ECHDC3: variants seen among roughly 807,000 people sequenced by gnomAD.
The protein encoded by ECHDC3 is enoyl-CoA hydratase domain containing 3.
In ECHDC3, 20 loss-of-function variants were observed where a neutral mutation model predicts 17.9. The ratio of observed to expected loss-of-function variants is 1.12; its 90% CI spans 0.79 to 1.63. ECHDC3 has a LOEUF of 1.63. Among genes scored for constraint, ECHDC3 ranks in the 40% most tolerant of loss-of-function variants. ECHDC3 has a pLI of 0.00. For missense variants in ECHDC3, 407 were observed against 357.7 expected (o/e 1.14, Z -1.11); for synonymous variants, 177 against 149.7 (o/e 1.18, Z -1.33).
At chr10:11,759,906 G>A (rs528609902) in intron 4 of ECHDC3, among the ~76,000 whole-genome samples, 1 of 152,330 alleles carries the variant, frequency 6.6e-6, no homozygotes, top group East Asian at 1.9e-4. Flanking sequence ...TGCAGGAGGT[G>A]CTCATTTTTG....
Position 11,763,683 on chromosome 10 carries a change from A to C in ECHDC3, c.*139A>C. 3 of 1,427,150 alleles carry C rather than the reference A, an allele frequency of 2.1e-6. No homozygotes were observed. Among genetic ancestry groups the C allele is most frequent in the Non-Finnish European group, 2.7e-6 (3 of 1,094,814 alleles). 88.4% of individuals were successfully genotyped at this position (1,427,150 alleles called of 1,614,324 possible). ...ATATTGGTGTCATAGCATTTGGCCT[A>C]CATTAAAAGCCACAATTTCATGGGG... is the stretch of plus-strand genomic sequence containing the variant. On this transcript the variant is annotated 3_prime_UTR_variant, in exon 5 of 5. Transcript: ENST00000379215. The surrounding 1 kb of genome is among the most constrained non-coding windows in gnomAD (Gnocchi z 4.9).
chr10:11,743,735 G>GGAGCACAGGCCAGAGCA (rs1832722188), intron 1 of ECHDC3, among the ~76,000 whole-genome samples: 2 of 152,234 alleles, frequency 1.3e-5, no homozygotes, highest in African/African-American at 4.8e-5. Context: ...ATCAACTACA[G>GGAGCACAGGCCAGAGCA]GAGCACAGGC....
chr10:11,746,430 C>T (rs997863247), intron 1 of ECHDC3, among the ~76,000 whole-genome samples: 1 of 150,738 alleles, frequency 6.6e-6, no homozygotes, highest in African/African-American at 2.5e-5. Context: ...TGACTATAGT[C>T]AATAATAATT....
At chr10:11,748,723 C>T (rs7903929) in intron 2 of ECHDC3, among the ~76,000 whole-genome samples, 141,797 of 152,068 alleles carry the variant, frequency 0.93, 66,941 homozygotes, top group East Asian at 1. Flanking sequence ...CCATCTCTAC[C>T]AAAAATACAA....
intron 1 of ECHDC3, among the ~76,000 whole-genome samples, chr10:11,743,064 G>A (rs979271991): frequency 6.6e-6 from 1 of 152,240 alleles, no homozygotes; most frequent in Non-Finnish European, 1.5e-5. Context: ...GGGCTTGGTC[G>A]AGCTGCTCCT....
intron 4 of ECHDC3, among the ~76,000 whole-genome samples, chr10:11,756,986 C>T (rs994419828): frequency 3.3e-5 from 5 of 152,228 alleles, no homozygotes; most frequent in Non-Finnish European, 7.3e-5. Context: ...CCGTCCCCCT[C>T]GGCCTCCCAA....
rs570322827 is a variant in ECHDC3 at position 11,747,296 on chromosome 10, C to T, written c.171-53C>T. ...AAATTAGACAGGAATCGCAGGGGTCCTCACTTGTTTTGACTGGTGTGTGAC... is the reference window on the plus strand; with the variant it reads ...AAATTAGACAGGAATCGCAGGGGTCTTCACTTGTTTTGACTGGTGTGTGAC... On this transcript the variant is annotated intron_variant, in intron 1 of 4. Transcript: ENST00000379215. 29 of 1,598,486 alleles carry T rather than the reference C, an allele frequency of 1.8e-5. No homozygotes were observed. The South Asian group carries it at 2.6e-4, about 14-fold the overall frequency.
intron 3 of ECHDC3, among the ~76,000 whole-genome samples, chr10:11,753,023 A>G (rs10159633): frequency 0.93 from 142,124 of 152,290 alleles, 67,167 homozygotes; most frequent in Non-Finnish European, 1. Context: ...CATCTTTGGC[A>G]TAGAGCTTTT....
Position 11,751,362 on chromosome 10 carries a change from G to T in ECHDC3, c.390+1770G>T, listed in dbSNP as rs535161632. On this transcript the variant is annotated intron_variant, in intron 3 of 4. Transcript: ENST00000379215. ...GAAAAAGACTCAGTGCATAAACAGG[G>T]CCTACCCCAAAGTAGTAAAATAGGA... Among the ~76,000 whole-genome samples, 50 of 152,286 alleles carry T rather than the reference G, an allele frequency of 3.3e-4. 1 individual carries two copies. In the South Asian group the frequency reaches 5.8e-3, roughly 18 times the overall value.
intron 3 of ECHDC3, among the ~76,000 whole-genome samples, chr10:11,752,881 T>C (rs1832841984): frequency 6.6e-6 from 1 of 152,196 alleles, no homozygotes; most frequent in Non-Finnish European, 1.5e-5. Flanking sequence ...CTGGTGTTTC[T>C]CTTGGAAATT....
chr10:11,749,870 A>G (rs1189614746), intron 3 of ECHDC3, among the ~76,000 whole-genome samples: 1 of 129,274 alleles, frequency 7.7e-6, no homozygotes, highest in Non-Finnish European at 1.5e-5. Context: ...ATCTTGGCTC[A>G]CTGCAACCTC....
At chr10:11,748,993 G>A (rs1418901403) in intron 2 of ECHDC3, among the ~76,000 whole-genome samples, 1 of 152,184 alleles carries the variant, frequency 6.6e-6, no homozygotes, top group African/African-American at 2.4e-5. Flanking sequence ...CACATCTTAT[G>A]ATCCCTCATC....
chr10:11,746,217 A>T (rs1319731432), intron 1 of ECHDC3, among the ~76,000 whole-genome samples: 1 of 151,980 alleles, frequency 6.6e-6, no homozygotes, highest in Admixed American at 6.6e-5. Flanking sequence ...AATCCCAGCT[A>T]CTTGGGAGCC....
chr10:11,744,010 G>A (rs140897154), intron 1 of ECHDC3, among the ~76,000 whole-genome samples: 18 of 152,368 alleles, frequency 1.2e-4, no homozygotes, highest in African/African-American at 4.3e-4. Context: ...CTAAGCAGGT[G>A]AACTTGAGCA....
Position 11,747,383 on chromosome 10 carries a change from G to A in ECHDC3, c.205G>A (p.Ala69Thr), listed in dbSNP as rs4750090. 0.98 allele frequency: 1,589,303 copies of A among 1,613,924 alleles called. 785,189 individuals are homozygous for A. Among genetic ancestry groups the A allele is most frequent in the East Asian group, 1 (44,865 of 44,866 alleles). ...IVLSNPKKRN[A>T]LSLAMLKSLQ... is the part of the protein sequence containing the mutation. ...CTTGAGCAATCCCAAGAAGAGGAAC[G>A]CGTTGTCACTTGCAATGCTGAAGTC... Residue 69 changes from alanine (A) to threonine (T), a missense_variant, in exon 2 of 5, where the codon GCG (alanine) becomes ACG (threonine). Physicochemically the swap from Ala to Thr is moderately conservative, Grantham distance 58. Transcript: ENST00000379215.
At chr10:11,759,109 C>T (rs1027980274) in intron 4 of ECHDC3, among the ~76,000 whole-genome samples, 9 of 152,212 alleles carry the variant, frequency 5.9e-5, no homozygotes, top group Non-Finnish European at 8.8e-5. Context: ...ATCCCAGCAC[C>T]GTGGGAGGCC....
At chr10:11,743,409 G>T (rs537052530) in intron 1 of ECHDC3, among the ~76,000 whole-genome samples, 1 of 152,384 alleles carries the variant, frequency 6.6e-6, no homozygotes, top group Non-Finnish European at 1.5e-5. Context: ...AAGGCCGCCT[G>T]TGAACTGATA....
rs376686816 is a variant in ECHDC3, at chr10:11,749,604, C to T, written c.390+12C>T. 62 of 1,612,310 alleles carry T rather than the reference C, an allele frequency of 3.8e-5. No individual in the cohort carries two copies. Among genetic ancestry groups the T allele is most frequent in the Admixed American group, 1.2e-4 (7 of 59,964 alleles). ...AGACCTGTTCCAAGGTAAGCCAAGA[C>T]GACAGTCGACAGTGCAAACCTGCAA... On this transcript the variant is annotated intron_variant, in intron 3 of 4. Coordinates refer to ENST00000379215, the MANE Select transcript of ECHDC3 (RefSeq NM_024693.5).
chr10:11,759,908 T>C (rs1315419909), intron 4 of ECHDC3, among the ~76,000 whole-genome samples: 1 of 152,228 alleles, frequency 6.6e-6, no homozygotes, highest in East Asian at 1.9e-4. Flanking sequence ...CAGGAGGTGC[T>C]CATTTTTGTT....
Sources: allele counts gnomAD v4.1 joint callset (sites outside exome capture counted in the v4.1 genomes callset), GRCh38; gene constraint gnomAD v4.1.1; non-coding constraint Gnocchi (gnomAD v3.1); transcripts MANE v1.5; gene names NCBI Gene and HGNC (gene_info 2026-07-23, HGNC 2026-07-21).